The following BAAT variants were observed in gnomAD, a reference collection of about 807,000 sequenced individuals.
The protein encoded by BAAT is bile acid CoA: amino acid N-acyltransferase (glycine N-choloyltransferase).
BAAT carries 13 observed loss-of-function variants against 18.9 expected under a neutral mutation model. The ratio of observed to expected loss-of-function variants is 0.69; its 90% CI spans 0.45 to 1.10. The LOEUF (loss-of-function observed/expected upper bound fraction) is 1.10. BAAT is among the 50% of genes least tolerant of loss of function. The probability of loss-of-function intolerance (pLI) is 0.00; values close to 1 mark genes in which losing one functional copy is unlikely to be tolerated. For missense variants in BAAT, 489 were observed against 504.0 expected (o/e 0.97, Z 0.28); for synonymous variants, 170 against 190.7 (o/e 0.89, Z 0.89).
chr9:101,367,981 A>C (rs1829859860), intron 3 of BAAT, 139 bp downstream of exon 3: 1 of 879,674 alleles, frequency 1.1e-6, no homozygotes, highest in Non-Finnish European at 1.8e-6. Flanking sequence ...ATCAAAAGGC[A>C]CTGGCTTCTG....
intron 1 of BAAT, among the ~76,000 whole-genome samples, chr9:101,374,986 C>T (rs1830014727): frequency 6.6e-6 from 1 of 152,164 alleles, no homozygotes; most frequent in Admixed American, 6.5e-5. Flanking sequence ...GGATCTATCC[C>T]ATGATTACTG....
intron 1 of BAAT, chr9:101,376,185 A>ACTTC (rs1830043086): frequency 5.9e-6 from 1 of 169,864 alleles, no homozygotes; most frequent in Admixed American, 6.4e-5. Context: ...TTTTTTCTGC[A>ACTTC]CTTCATATTT....
intron 3 of BAAT, among the ~76,000 whole-genome samples, chr9:101,363,424 T>C (rs1167197417): frequency 6.6e-6 from 1 of 151,758 alleles, no homozygotes; most frequent in East Asian, 2.0e-4. Context: ...TAGGATAGAG[T>C]TGAACAGAGG....
intron 1 of BAAT, among the ~76,000 whole-genome samples, chr9:101,373,814 G>A (rs936485984): frequency 6.6e-6 from 1 of 152,124 alleles, no homozygotes; most frequent in Non-Finnish European, 1.5e-5. Flanking sequence ...CAAAGGTCTC[G>A]GGGGTAGGGG....
Position 101,362,412 on chromosome 9 carries a change from G to C in BAAT, c.*16C>G, listed in dbSNP as rs1829742556. The C allele has an allele frequency of 6.2e-7, 1 of 1,610,236 alleles. No homozygotes were observed. The highest frequency in any genetic ancestry group is 1.3e-5 in the African/African-American group (1 of 74,842). On this transcript the variant is annotated 3_prime_UTR_variant, in exon 4 of 4. Transcript: ENST00000259407. ...AAGAGATTTGCTTCTTTATTTTCTA[G>C]GAATATCTAGTCTTCTTAGAGTTGA...
At chr9:101,364,646 T>C (rs1022479479) in intron 3 of BAAT, among the ~76,000 whole-genome samples, 97 of 152,202 alleles carry the variant, frequency 6.4e-4, no homozygotes, top group African/African-American at 2.3e-3. Context: ...TCATTCTTCA[T>C]TATTTTAATT....
rs1338171502 is a variant in BAAT at position 101,362,928 on chromosome 9, C to T, written c.757G>A (p.Ala253Thr). ...TTGGTCCCATTAATAAGTACCGTGG[C>T]TGTGACTTGCTTTAGGTAAATAGCC... ...SMAIYLKQVT[A>T]TVLINGTNFP... The change falls in exon 4 of 4, where the codon GCC becomes ACC. Residue 253 changes from alanine (A) to threonine (T), a missense_variant. Transcript: ENST00000259407. 1.3e-5 allele frequency: 21 copies of T among 1,613,902 alleles called. No homozygotes were observed. Among genetic ancestry groups the T allele is most frequent in the African/African-American group, 4.0e-5 (3 of 74,888 alleles).
chr9:101,373,826 G>A lies in BAAT; in HGVS notation c.-59-2363C>T, dbSNP rs1051416981. Among the ~76,000 whole-genome samples the A allele has an allele frequency of 9.2e-5, 14 of 152,194 alleles. No individual in the cohort carries two copies. In the East Asian group the frequency reaches 1.7e-3, roughly 19 times the overall value. On this transcript the variant is annotated intron_variant, in intron 1 of 3. Transcript: ENST00000259407. ...CATCAAAGGTCTCGGGGGTAGGGGCGAAGCCCTTTTCTCCCCATCAATACT... is the reference window on the plus strand; with the variant it reads ...CATCAAAGGTCTCGGGGGTAGGGGCAAAGCCCTTTTCTCCCCATCAATACT...
intron 3 of BAAT, 112 bp downstream of exon 3, chr9:101,368,008 T>G (rs1829860621): frequency 1.8e-6 from 2 of 1,122,650 alleles, no homozygotes; most frequent in Non-Finnish European, 2.6e-6. Context: ...TGTCAGATCA[T>G]GCCACTGCAC....
intron 1 of BAAT, among the ~76,000 whole-genome samples, chr9:101,380,409 T>TAAGC (rs1830113305): frequency 6.6e-6 from 1 of 152,148 alleles, no homozygotes; most frequent in Non-Finnish European, 1.5e-5. Flanking sequence ...ATTAAATGTT[T>TAAGC]CTCTCTGAGA....
intron 1 of BAAT, among the ~76,000 whole-genome samples, chr9:101,379,619 TTG>T (rs1440785324): frequency 6.6e-6 from 1 of 152,148 alleles, no homozygotes; most frequent in East Asian, 1.9e-4. Context: ...TAGAAAAAAA[TTG>T]TTTCAGAAGA....
chr9:101,378,103 AG>A (rs1369500193), intron 1 of BAAT, among the ~76,000 whole-genome samples: 1 of 152,218 alleles, frequency 6.6e-6, no homozygotes, highest in Non-Finnish European at 1.5e-5. Context: ...GAAATAAGAG[AG>A]GACATAAACA....
At chr9:101,379,950 A>G (rs1830106025) in intron 1 of BAAT, among the ~76,000 whole-genome samples, 1 of 152,198 alleles carries the variant, frequency 6.6e-6, no homozygotes, top group South Asian at 2.1e-4. Flanking sequence ...TGATTCAAGA[A>G]AGCCTATGCA....
intron 1 of BAAT, among the ~76,000 whole-genome samples, chr9:101,376,901 CTT>C (rs1473867478): frequency 6.6e-6 from 1 of 152,164 alleles, no homozygotes. Flanking sequence ...GATTCCATGT[CTT>C]TGAAACTGTG....
chr9:101,377,019 C>G (rs1162758584), intron 1 of BAAT, among the ~76,000 whole-genome samples: 1 of 152,046 alleles, frequency 6.6e-6, no homozygotes, highest in African/African-American at 2.4e-5. Flanking sequence ...TTATGGAATT[C>G]TTGTGTGGTC....
chr9:101,362,096 T>C lies in BAAT; in HGVS notation c.*332A>G, dbSNP rs934429105. On this transcript the variant is annotated 3_prime_UTR_variant, in exon 4 of 4. Transcript: ENST00000259407. ...TTTTCTGACATGGTATTTGGTTTTA[T>C]ATCTGTTACTTTGGTGCTATTCTTG... The C allele has an allele frequency of 2.3e-5, 9 of 387,612 alleles. No homozygotes were observed. The Admixed American group carries it at 2.6e-4, about 11-fold the overall frequency. 24.0% of individuals were successfully genotyped at this position (387,612 alleles called of 1,614,324 possible). A position where few individuals can be genotyped will look rare whatever the true frequency, so the allele number is the denominator to read the frequency against.
chr9:101,362,757 A>T lies in BAAT; in HGVS notation c.928T>A (p.Leu310Met), dbSNP rs1829756772. ...CCCTGGGCCTCTTCAATAGGAAACA[A>T]ATATTGACTGGCCCCAACTTGAGTT... is the stretch of plus-strand genomic sequence containing the variant. ...ETTQVGASQY[L>M]FPIEEAQGQF... The change falls in exon 4 of 4, where the codon TTG becomes ATG. Residue 310 changes from leucine to methionine, a missense_variant. By Grantham distance (15) the Leu-to-Met change is conservative. Coordinates refer to ENST00000259407, the MANE Select transcript of BAAT (RefSeq NM_001701.4). The T allele has an allele frequency of 3.7e-6, 6 of 1,614,184 alleles. No homozygotes were observed. The highest frequency in any genetic ancestry group is 5.1e-6 in the Non-Finnish European group (6 of 1,180,044).
At chr9:101,372,866 T>C (rs77343931) in intron 1 of BAAT, among the ~76,000 whole-genome samples, 1 of 152,278 alleles carries the variant, frequency 6.6e-6, no homozygotes, top group Non-Finnish European at 1.5e-5. Flanking sequence ...TATGTGTGGA[T>C]TGGTTTGATA....
intron 3 of BAAT, among the ~76,000 whole-genome samples, chr9:101,364,826 G>C (rs1389071780): frequency 6.6e-6 from 1 of 152,166 alleles, no homozygotes; most frequent in African/African-American, 2.4e-5. Context: ...TAAGTATGCA[G>C]AAGTCAGATC....
Sources: allele counts gnomAD v4.1 joint callset (sites outside exome capture counted in the v4.1 genomes callset), GRCh38; gene constraint gnomAD v4.1.1; transcripts MANE v1.5; gene names NCBI Gene and HGNC (gene_info 2026-07-23, HGNC 2026-07-21).